Variants in TNN observed in about 807,000 individuals in gnomAD.
TNN encodes tenascin N, also known as tenascin-N.
A neutral mutation model predicts 134.4 loss-of-function variants in TNN; 122 were observed. The ratio of observed to expected loss-of-function variants is 0.91; its 90% CI spans 0.78 to 1.06. The LOEUF is 1.06. TNN is among the 50% of genes least tolerant of loss of function. TNN has a pLI of 0.00. For missense variants in TNN, 1,739 were observed against 1,699.4 expected (o/e 1.02, Z -0.41); for synonymous variants, 710 against 670.3 (o/e 1.06, Z -0.91).
At chr1:175,119,278 A>T (rs1023267010) in intron 11 of TNN, among the ~76,000 whole-genome samples, 1 of 152,234 alleles carries the variant, frequency 6.6e-6, no homozygotes, top group Non-Finnish European at 1.5e-5. Flanking sequence ...TTTTTAGACC[A>T]TATAGGGTGA....
At chr1:175,114,486 G>A (rs1453134349) in intron 9 of TNN, among the ~76,000 whole-genome samples, 1 of 152,236 alleles carries the variant, frequency 6.6e-6, no homozygotes, top group African/African-American at 2.4e-5. Flanking sequence ...GGTCTGACAT[G>A]GCATAGAAGC....
At chr1:175,109,330 C>T (rs994929113) in intron 9 of TNN, among the ~76,000 whole-genome samples, 2 of 150,920 alleles carry the variant, frequency 1.3e-5, no homozygotes, top group African/African-American at 4.9e-5. Flanking sequence ...CCTCATGATG[C>T]ACCCGCCTCG....
chr1:175,068,750 T>C (rs1673852772), intron 1 of TNN, among the ~76,000 whole-genome samples: 1 of 151,806 alleles, frequency 6.6e-6, no homozygotes. Context: ...CTACTAAAAA[T>C]ACAAAAAATT....
rs61747978 is a variant in TNN at position 175,098,444 on chromosome 1, T to C, written c.1968T>C (p.Ser656=). 43,364 of 1,614,152 alleles carry C rather than the reference T, an allele frequency of 0.027. 655 individuals are homozygous for C. Among genetic ancestry groups the C allele is most frequent in the Non-Finnish European group, 0.031 (37,011 of 1,180,010 alleles). Residue 656 remains serine, a synonymous_variant, in exon 9 of 19, where the codon TCT becomes TCC. Transcript: ENST00000239462. ...ACAAGTACGTGGTGCGCTACACCTC[T>C]GCTGGTGGAGAGACCAGGGAGGTTC... ...AIDKYVVRYT[S]AGGETREVPV... is the part of the protein sequence containing the mutation.
chr1:175,144,283 T>A (rs1676007995), intron 17 of TNN, 104 bp from the exon 18 acceptor site: 2 of 1,088,454 alleles, frequency 1.8e-6, no homozygotes, highest in African/African-American at 1.6e-5. Flanking sequence ...ACTGGCTGCA[T>A]CTTTGGCATT....
intron 11 of TNN, among the ~76,000 whole-genome samples, chr1:175,121,276 G>A (rs188401287): frequency 7.2e-4 from 110 of 152,288 alleles, no homozygotes; most frequent in African/African-American, 2.6e-3. Flanking sequence ...ATGGATTTTG[G>A]CAAAAACTAG....
In TNN at chr1:175,085,874, CAA is replaced by C. The variant is rs59186260; in HGVS notation, c.1324+399_1324+400del. The stretch of plus-strand genomic sequence containing the variant: ...GGGCAACAAGAGTGAAACTCCATCT[CAA>C]AAAAAAAAAAAAAAAAAAGAGAATT... On this transcript the variant is annotated intron_variant, in intron 6 of 18. Transcript: ENST00000239462. 5.2e-3 allele frequency among the ~76,000 whole-genome samples: 425 copies of C among 81,542 alleles called. 6 individuals are homozygous for C. The highest frequency in any genetic ancestry group is 0.017 in the African/African-American group (352 of 21,136). The allele number at this position is 81,542 out of a possible 152,430, so 53.5% of individuals were successfully genotyped here. A position where few individuals can be genotyped will look rare whatever the true frequency, so the allele number is the denominator to read the frequency against.
rs145946161 is a variant in TNN at position 175,117,900 on chromosome 1, T to G, written c.2387-661T>G. Among the ~76,000 whole-genome samples, 113 of 152,350 alleles carry G rather than the reference T, an allele frequency of 7.4e-4. 1 individual carries two copies. The East Asian group carries it at 0.014, about 19-fold the overall frequency. The stretch of plus-strand genomic sequence containing the variant: ...CTCCTACGTTATATTCTTATTTTAG[T>G]GGAAGCGATATCTAACCATATTTTG... On this transcript the variant is annotated intron_variant, in intron 10 of 18. Transcript: ENST00000239462.
At chr1:175,134,401 C>T (rs750525107) in intron 15 of TNN, among the ~76,000 whole-genome samples, 13 of 151,864 alleles carry the variant, frequency 8.6e-5, no homozygotes, top group South Asian at 2.1e-4. Context: ...AAAAATTAGC[C>T]GGGCATGGTG....
intron 12 of TNN, among the ~76,000 whole-genome samples, chr1:175,125,835 TTTTTTC>T: frequency 3.0e-4 from 1 of 3,290 alleles, no homozygotes; most frequent in Non-Finnish European, 6.6e-4. Flanking sequence ...TCTTTCTTTC[TTTTTTC>T]TTTTTCTTTC....
In TNN at chr1:175,127,025, C is replaced by A. The variant is rs768741226; in HGVS notation, c.2985C>A (p.Pro995=). 1 of 1,614,158 alleles carries A rather than the reference C, an allele frequency of 6.2e-7. No homozygotes were observed. The highest frequency in any genetic ancestry group is 8.5e-7 in the Non-Finnish European group (1 of 1,180,014). ...TQSGGILTWT[P]PSAQIHGYIL... ...CTGGTGGCATATTGACCTGGACGCC[C>A]CCCTCTGCTCAGATCCACGGCTACA... Residue 995 remains proline (P), a synonymous_variant, in exon 13 of 19, where the codon CCC becomes CCA. Coordinates refer to ENST00000239462, the MANE Select transcript of TNN (RefSeq NM_022093.2).
At chr1:175,140,331 C>T (rs1006418678) in intron 17 of TNN, among the ~76,000 whole-genome samples, 23 of 152,186 alleles carry the variant, frequency 1.5e-4, no homozygotes, top group African/African-American at 4.8e-4. Flanking sequence ...AAGCTCCATG[C>T]GTGGGACCCT....
chr1:175,101,932 A>T (rs7526749), intron 9 of TNN, among the ~76,000 whole-genome samples: 33,702 of 134,028 alleles, frequency 0.25, 6,525 homozygotes, highest in African/African-American at 0.31. Flanking sequence ...TTGATGTATT[A>T]ACAATCCTTG....
chr1:175,119,643 T>C (rs1675295005), intron 11 of TNN, among the ~76,000 whole-genome samples: 1 of 148,238 alleles, frequency 6.7e-6, no homozygotes, highest in South Asian at 2.2e-4. Context: ...TTTTTCTTTT[T>C]TTTTTTTTTT....
chr1:175,113,060 T>C (rs1484849323), intron 9 of TNN, among the ~76,000 whole-genome samples: 2 of 152,240 alleles, frequency 1.3e-5, no homozygotes, highest in Non-Finnish European at 2.9e-5. Context: ...TCTTCTTCTA[T>C]TATTGTTTCT....
At chr1:175,127,773 C>T (rs903849516) in intron 13 of TNN, among the ~76,000 whole-genome samples, 29 of 152,164 alleles carry the variant, frequency 1.9e-4, no homozygotes, top group African/African-American at 6.5e-4. Context: ...GAAACTTGGC[C>T]GGTGATCCTG....
chr1:175,068,744 T>TA (rs1370278595), intron 1 of TNN, among the ~76,000 whole-genome samples: 3 of 151,986 alleles, frequency 2.0e-5, no homozygotes, highest in African/African-American at 7.2e-5. Context: ...CCGTCTCTAC[T>TA]AAAAATACAA....
intron 13 of TNN, among the ~76,000 whole-genome samples, chr1:175,127,494 C>A (rs1675560836): frequency 6.6e-6 from 1 of 152,152 alleles, no homozygotes; most frequent in Non-Finnish European, 1.5e-5. Context: ...GAAATAAAAA[C>A]AGGAAGGACA....
intron 9 of TNN, among the ~76,000 whole-genome samples, chr1:175,100,305 A>G (rs1247853744): frequency 6.6e-6 from 1 of 152,212 alleles, no homozygotes; most frequent in East Asian, 1.9e-4. Context: ...TGTGACAACC[A>G]AAAGTGTCTC....
Sources: gnomAD v4.1 joint callset for allele counts (sites outside exome capture counted in the v4.1 genomes callset) on GRCh38, gnomAD v4.1.1 for gene constraint, MANE v1.5 for transcripts, NCBI Gene and HGNC (gene_info 2026-07-23, HGNC 2026-07-21) for gene names.